NOP14: variants seen among roughly 807,000 people sequenced by gnomAD.
The protein encoded by NOP14 is NOP14 nucleolar protein.
NOP14 carries 57 observed loss-of-function variants against 101.6 expected under a neutral mutation model. The observed-to-expected ratio is 0.56, with a 90% CI of 0.45 to 0.70. The LOEUF (loss-of-function observed/expected upper bound fraction) is 0.70, where lower values mean the gene tolerates loss of function less well. Ranked by LOEUF, NOP14 falls within the 30% of genes least tolerant of loss-of-function variation. NOP14 has a pLI of 0.00. For synonymous variants in NOP14, 428 were observed against 424.0 expected, an observed-to-expected ratio of 1.01 and a Z score of -0.12; for missense variants, 1,134 against 1,075.5, an observed-to-expected ratio of 1.05 and a Z score of -0.76.
chr4:2,939,174 C>G lies in NOP14; in HGVS notation c.2474+14G>C. 1 of 1,613,752 alleles carries G rather than the reference C, an allele frequency of 6.2e-7. No homozygotes were observed. The highest frequency in any genetic ancestry group is 1.1e-5 in the South Asian group (1 of 91,060). On this transcript the variant is annotated intron_variant, in intron 17 of 17. Coordinates refer to ENST00000416614, the MANE Select transcript of NOP14 (RefSeq NM_001291978.2). Reference sequence around the variant, plus strand: ...TGACACCACAATCGTGTCGCACACACACGTCCCCCTCACCGTTCCATGATT... The same window carrying G: ...TGACACCACAATCGTGTCGCACACAGACGTCCCCCTCACCGTTCCATGATT...
At chr4:2,951,046 G>A (rs1714993586) in intron 7 of NOP14, 68 bp downstream of exon 7, 26 of 1,429,928 alleles carry the variant, frequency 1.8e-5, no homozygotes, top group Non-Finnish European at 2.3e-5. Context: ...TCCCTAAAAT[G>A]AATACCAAAA....
intron 17 of NOP14, 60 bp from the exon 18 acceptor site, chr4:2,938,990 C>G (rs998650408): frequency 1.4e-5 from 22 of 1,524,884 alleles, no homozygotes; most frequent in Non-Finnish European, 1.8e-5. Context: ...GCATCTTGCC[C>G]TCTCTCTCCC....
intron 1 of NOP14, among the ~76,000 whole-genome samples, chr4:2,959,572 G>A (rs150854516): frequency 1.5e-3 from 216 of 141,300 alleles, no homozygotes; most frequent in African/African-American, 5.7e-3. Context: ...CAGCCTGGGC[G>A]ACAGACAAAG....
Position 2,946,633 on chromosome 4 carries a change from C to A in NOP14, c.1500-86G>T, listed in dbSNP as rs1714665985. The A allele has an allele frequency of 5.7e-6, 7 of 1,231,038 alleles. No homozygotes were observed. In the South Asian group the frequency reaches 9.0e-5, roughly 16 times the overall value. 76.3% of individuals were successfully genotyped at this position (1,231,038 alleles called of 1,614,324 possible). On this transcript the variant is annotated intron_variant, in intron 10 of 17. Coordinates refer to ENST00000416614, the MANE Select transcript of NOP14 (RefSeq NM_001291978.2). ...CCTGCAAGCCACTTTCCTATGCAGT[C>A]ACCTGTTGACTGAGCAAGTAAGAAC...
At chr4:2,957,903 G>A (rs1321280538) in intron 1 of NOP14, among the ~76,000 whole-genome samples, 163 bp from the exon 2 acceptor site, 1 of 152,160 alleles carries the variant, frequency 6.6e-6, no homozygotes, top group African/African-American at 2.4e-5. Context: ...ACTAATCACA[G>A]AATTTTGAGA....
chr4:2,958,821 C>T (rs767522093), intron 1 of NOP14, among the ~76,000 whole-genome samples: 18 of 152,170 alleles, frequency 1.2e-4, no homozygotes, highest in Non-Finnish European at 2.2e-4. Context: ...TCCCCAGGGT[C>T]GGAGATGAAC....
At chr4:2,941,929 G>C (rs991410925) in intron 14 of NOP14, 200 bp from the exon 15 acceptor site, 1 of 669,136 alleles carries the variant, frequency 1.5e-6, no homozygotes, top group African/African-American at 1.8e-5. Flanking sequence ...GGGAGGCTGT[G>C]GGAACCGCAG....
chr4:2,943,086 G>A (rs1714343458), intron 13 of NOP14, among the ~76,000 whole-genome samples: 1 of 152,208 alleles, frequency 6.6e-6, no homozygotes, highest in Non-Finnish European at 1.5e-5. Flanking sequence ...CTATCTACAG[G>A]TGGCTCTCCC....
rs1427320508 is a variant in NOP14, at chr4:2,956,659, C to A, written c.472+11G>T. 1.2e-6 allele frequency: 2 copies of A among 1,610,046 alleles called. No homozygotes were observed. The highest frequency in any genetic ancestry group is 2.2e-5 in the South Asian group (2 of 90,094). On this transcript the variant is annotated intron_variant, in intron 3 of 17. Coordinates refer to ENST00000416614, the MANE Select transcript of NOP14 (RefSeq NM_001291978.2). ...ACGCCCACAGGCCCGTGCACAGCAC[C>A]CCAGCCTCACCAGACAACGTTCCTC...
rs1560305688 is a variant in NOP14, at chr4:2,954,503, T to A, written c.533A>T (p.Gln178Leu). The A allele has an allele frequency of 1.2e-6, 2 of 1,614,180 alleles. No individual in the cohort carries two copies. Among genetic ancestry groups the A allele is most frequent in the Admixed American group, 3.3e-5 (2 of 60,022 alleles). The change falls in exon 4 of 18, where the codon CAG becomes CTG. Residue 178 changes from glutamine (Q) to leucine (L), a missense_variant. Transcript: ENST00000416614. ...CGGTTTCTCCCGCTCCTCGCCTTCCTGTTGAGTCTTCTTGTGAAGGAGCCC... is the reference window on the plus strand; with the variant it reads ...CGGTTTCTCCCGCTCCTCGCCTTCCAGTTGAGTCTTCTTGTGAAGGAGCCC... ...GGGLLHKKTQ[Q>L]EGEEREKPKS...
chr4:2,941,837 C>T lies in NOP14; in HGVS notation c.2052-108G>A, dbSNP rs558541132. On this transcript the variant is annotated intron_variant, in intron 14 of 17. Coordinates refer to ENST00000416614, the MANE Select transcript of NOP14 (RefSeq NM_001291978.2). ...CCCACTTCCACTAGGCTGAAAACTC[C>T]AGTGTGGCCACCTTGGCCGGCCAGG... The T allele has an allele frequency of 1.5e-5, 20 of 1,311,312 alleles. 1 individual carries two copies. In the South Asian group the frequency reaches 1.7e-4, roughly 11 times the overall value. The allele number at this position is 1,311,312 out of a possible 1,614,324, so 81.2% of individuals were successfully genotyped here.
intron 15 of NOP14, chr4:2,941,266 C>T: frequency 2.8e-6 from 1 of 354,318 alleles, no homozygotes; most frequent in Non-Finnish European, 5.3e-6. Flanking sequence ...GAGCGCGGCT[C>T]AGAGCTGACT....
At chr4:2,950,239 G>GC (rs1321164085) in intron 7 of NOP14, 26 bp from the exon 8 acceptor site, 3 of 1,610,466 alleles carry the variant, frequency 1.9e-6, no homozygotes, top group Non-Finnish European at 2.5e-6. Context: ...AAACCACAGG[G>GC]CATGAGGACA....
At chr4:2,959,499 A>G (rs1577852799) in intron 1 of NOP14, among the ~76,000 whole-genome samples, 2 of 152,196 alleles carry the variant, frequency 1.3e-5, no homozygotes, top group South Asian at 4.1e-4. Flanking sequence ...AGGCTGAGGC[A>G]GGAGAATGGC....
rs760587709 is a variant in NOP14, at chr4:2,938,377, G to A, written c.*454C>T. ...CTCTACTAAAAATACAAAATTAGCT[G>A]GGCGTGGTGGCACATGTCTGTAATC... On this transcript the variant is annotated 3_prime_UTR_variant, in exon 18 of 18. Transcript: ENST00000416614. The A allele has an allele frequency of 2.9e-4, 120 of 414,376 alleles. No individual in the cohort carries two copies. The highest frequency in any genetic ancestry group is 7.8e-4 in the Middle Eastern group (1 of 1,278). 25.7% of individuals were successfully genotyped at this position (414,376 alleles called of 1,614,324 possible).
In NOP14 at chr4:2,962,892, TGGA is replaced by T. The variant is rs142268241; in HGVS notation, c.195+230_195+232del. Among the ~76,000 whole-genome samples the T allele has an allele frequency of 6.6e-5, 10 of 152,184 alleles. No homozygotes were observed. The East Asian group carries it at 1.7e-3, about 27-fold the overall frequency. On this transcript the variant is annotated intron_variant, in intron 1 of 17. Coordinates refer to ENST00000416614, the MANE Select transcript of NOP14 (RefSeq NM_001291978.2). ...AGTGACTGACTCGGCCTGACCCGGT[TGGA>T]GGAGTCGCCGAAATAACACGAGTGC...
intron 2 of NOP14, among the ~76,000 whole-genome samples, chr4:2,957,204 G>A (rs1243708270): frequency 2.0e-5 from 3 of 152,058 alleles, no homozygotes; most frequent in Non-Finnish European, 4.4e-5. Flanking sequence ...GTTTCATCAC[G>A]TTGGCCAGGA....
At chr4:2,944,695 C>T (rs910059712) in intron 12 of NOP14, among the ~76,000 whole-genome samples, 7 of 152,222 alleles carry the variant, frequency 4.6e-5, no homozygotes, top group Admixed American at 6.5e-5. Flanking sequence ...GCGTGAGCCA[C>T]CGCGCCTGGC....
chr4:2,954,511 C>A lies in NOP14; in HGVS notation c.525G>T (p.Lys175Asn). 1 of 1,614,198 alleles carries A rather than the reference C, an allele frequency of 6.2e-7. No individual in the cohort carries two copies. Among genetic ancestry groups the A allele is most frequent in the Non-Finnish European group, 8.5e-7 (1 of 1,180,034 alleles). ...CCCGCTCCTCGCCTTCCTGTTGAGTCTTCTTGTGAAGGAGCCCACCGCCTC... is the reference window on the plus strand; with the variant it reads ...CCCGCTCCTCGCCTTCCTGTTGAGTATTCTTGTGAAGGAGCCCACCGCCTC... ...FGGGGGLLHKKTQQEGEEREK... is the reference protein window; with the variant it reads ...FGGGGGLLHKNTQQEGEEREK... The change falls in exon 4 of 18, where the codon AAG becomes AAT. Residue 175 changes from lysine to asparagine, a missense_variant. Physicochemically the swap from Lys to Asn is moderately conservative, Grantham distance 94. Transcript: ENST00000416614.
Sources: allele counts gnomAD v4.1 joint callset (sites outside exome capture counted in the v4.1 genomes callset), GRCh38; gene constraint gnomAD v4.1.1; transcripts MANE v1.5; gene names NCBI Gene and HGNC (gene_info 2026-07-23, HGNC 2026-07-21).